The following SH3GLB1 variants were observed in gnomAD, a reference collection of about 807,000 sequenced individuals.
SH3GLB1 encodes endophilin-B1.
SH3GLB1 carries 17 observed loss-of-function variants against 42.0 expected under a neutral mutation model. The ratio of observed to expected loss-of-function variants is 0.40; its 90% CI spans 0.28 to 0.61. The LOEUF is 0.61. Ranked by LOEUF, SH3GLB1 falls within the 20% of genes least tolerant of loss-of-function variation. SH3GLB1 has a pLI of 0.36. For missense variants in SH3GLB1, 355 were observed against 426.3 expected (o/e 0.83, Z 1.47); for synonymous variants, 132 against 146.6 (o/e 0.90, Z 0.72).
At chr1:86,710,095 G>A (rs754750928) in intron 1 of SH3GLB1, among the ~76,000 whole-genome samples, 1 of 152,122 alleles carries the variant, frequency 6.6e-6, no homozygotes, top group East Asian at 1.9e-4. Context: ...TACATGTTTA[G>A]TGTTACTTAA....
At chr1:86,739,819 G>A (rs1233823271) in intron 7 of SH3GLB1, among the ~76,000 whole-genome samples, 1 of 152,078 alleles carries the variant, frequency 6.6e-6, no homozygotes, top group Non-Finnish European at 1.5e-5. Flanking sequence ...CACATATGGA[G>A]GAATTAGCAT....
chr1:86,731,438 T>C (rs1213944842), intron 5 of SH3GLB1, among the ~76,000 whole-genome samples: 2 of 152,200 alleles, frequency 1.3e-5, no homozygotes, highest in African/African-American at 4.8e-5. Context: ...TACCTTATGC[T>C]CTTATCCCCC....
chr1:86,736,007 G>A (rs1655762222), intron 7 of SH3GLB1, among the ~76,000 whole-genome samples: 3 of 152,282 alleles, frequency 2.0e-5, no homozygotes, highest in African/African-American at 7.2e-5. Context: ...TAATCTAGAT[G>A]AAGAAAGGGA....
Position 86,728,599 on chromosome 1 carries a change from C to T in SH3GLB1, c.570+4194C>T, listed in dbSNP as rs1655330502. 7.3e-6 allele frequency: 4 copies of T among 549,206 alleles called. No homozygotes were observed. In the South Asian group the frequency reaches 9.4e-5, roughly 13 times the overall value. The allele number at this position is 549,206 out of a possible 1,614,324, so 34.0% of individuals were successfully genotyped here. A position where few individuals can be genotyped will look rare whatever the true frequency, so the allele number is the denominator to read the frequency against. On this transcript the variant is annotated intron_variant, in intron 5 of 8. Coordinates refer to ENST00000370558, the MANE Select transcript of SH3GLB1 (RefSeq NM_016009.5). ...GAACCATGTATTCATTTATCTTTAA[C>T]AACAAAAATATAAGGAAAAAATACT...
intron 1 of SH3GLB1, among the ~76,000 whole-genome samples, chr1:86,711,193 A>C (rs943156139): frequency 6.6e-6 from 1 of 152,196 alleles, no homozygotes; most frequent in Non-Finnish European, 1.5e-5. Context: ...GTTTGCATTA[A>C]ATAGATGTCT....
Position 86,746,208 on chromosome 1 carries a change from G to GC in SH3GLB1, c.*2974dup, listed in dbSNP as rs1341339153. On this transcript the variant is annotated 3_prime_UTR_variant, in exon 9 of 9. Coordinates refer to ENST00000370558, the MANE Select transcript of SH3GLB1 (RefSeq NM_016009.5). ...ACAAAGAACAAAGTGAGACTGGGAA[G>GC]CTAGTGTTGGGGAAACATTTCTGGG... 1.3e-5 allele frequency: 2 copies of GC among 152,538 alleles called. No individual in the cohort carries two copies. The highest frequency in any genetic ancestry group is 2.9e-5 in the Non-Finnish European group (2 of 68,062). 9.4% of individuals were successfully genotyped at this position (152,538 alleles called of 1,614,324 possible).
At chr1:86,730,534 T>C (rs986925212) in intron 5 of SH3GLB1, among the ~76,000 whole-genome samples, 7 of 152,112 alleles carry the variant, frequency 4.6e-5, no homozygotes, top group African/African-American at 1.7e-4. Flanking sequence ...AGTTTTGCTC[T>C]TGTCGCCCAG....
intron 5 of SH3GLB1, among the ~76,000 whole-genome samples, chr1:86,731,982 T>C (rs921267535): frequency 3.3e-5 from 5 of 152,120 alleles, no homozygotes; most frequent in Non-Finnish European, 5.9e-5. Flanking sequence ...GGAGAATCCC[T>C]TGAATTTGGG....
rs1035569984 is a variant in SH3GLB1 at position 86,739,543 on chromosome 1, C to T, written c.762-2665C>T. On this transcript the variant is annotated intron_variant, in intron 7 of 8. Transcript: ENST00000370558. ...AGTAATGTTTGTAATATAAGAGACT[C>T]GGAGGAGAGGAATTGTGACCGTAAG... Among the ~76,000 whole-genome samples, 8 of 152,034 alleles carry T rather than the reference C, an allele frequency of 5.3e-5. 1 individual carries two copies. The highest frequency in any genetic ancestry group is 2.1e-4 in the South Asian group (1 of 4,814).
chr1:86,713,922 ATG>A (rs1009336884), intron 1 of SH3GLB1, among the ~76,000 whole-genome samples: 8 of 152,164 alleles, frequency 5.3e-5, no homozygotes, highest in Non-Finnish European at 8.8e-5. Context: ...GAAACCTTAT[ATG>A]TTTTGTTGGC....
intron 3 of SH3GLB1, among the ~76,000 whole-genome samples, chr1:86,720,367 G>A (rs1348098702): frequency 6.6e-6 from 1 of 152,158 alleles, no homozygotes; most frequent in Non-Finnish European, 1.5e-5. Context: ...TTGCAGTAAT[G>A]TCAGTAACCA....
At chr1:86,723,726 C>T (rs1654997417) in intron 4 of SH3GLB1, among the ~76,000 whole-genome samples, 1 of 152,082 alleles carries the variant, frequency 6.6e-6, no homozygotes, top group East Asian at 1.9e-4. Context: ...GGTTGGGTTG[C>T]ATTTGGTGCT....
chr1:86,710,399 G>A (rs1654136691), intron 1 of SH3GLB1, among the ~76,000 whole-genome samples: 1 of 151,862 alleles, frequency 6.6e-6, no homozygotes, highest in Admixed American at 6.6e-5. Flanking sequence ...CTAGTAGCTG[G>A]GATTACAGAC....
intron 5 of SH3GLB1, among the ~76,000 whole-genome samples, chr1:86,724,912 T>TATATATATAA (rs1380448898): frequency 4.2e-4 from 52 of 123,084 alleles, no homozygotes; most frequent in African/African-American, 1.5e-3. Flanking sequence ...TATATATATA[T>TATATATATAA]AAAATATATA....
rs888848571 is a variant in SH3GLB1 at position 86,740,069 on chromosome 1, A to G, written c.762-2139A>G. 2.6e-5 allele frequency among the ~76,000 whole-genome samples: 4 copies of G among 152,014 alleles called. 1 individual carries two copies. Among genetic ancestry groups the G allele is most frequent in the African/African-American group, 9.7e-5 (4 of 41,366 alleles). On this transcript the variant is annotated intron_variant, in intron 7 of 8. Coordinates refer to ENST00000370558, the MANE Select transcript of SH3GLB1 (RefSeq NM_016009.5). ...GCTGAGGCGAGAGAATTGCTTGCTT[A>G]AGCCCAGGAAGCAGAGGTTGCAGTG...
intron 5 of SH3GLB1, among the ~76,000 whole-genome samples, chr1:86,729,162 C>G (rs1382328345): frequency 2.0e-5 from 3 of 152,040 alleles, no homozygotes; most frequent in Non-Finnish European, 2.9e-5. Flanking sequence ...CTGAACATAG[C>G]CAACAATTTG....
chr1:86,704,976 C>G lies in SH3GLB1; in HGVS notation c.72+5C>G. 6.4e-7 allele frequency: 1 copy of G among 1,569,644 alleles called. No homozygotes were observed. The highest frequency in any genetic ancestry group is 8.6e-7 in the Non-Finnish European group (1 of 1,159,740). ...TTCCTCAGTCGCGCCGTGCAGGTAC[C>G]CTGGTGCTGGGGGGAAAAGGGGTGG... On this transcript the variant is annotated splice_donor_5th_base_variant and intron_variant, in intron 1 of 8. Transcript: ENST00000370558.
intron 3 of SH3GLB1, 143 bp from the exon 4 acceptor site, chr1:86,722,397 T>A: frequency 1.6e-6 from 1 of 627,752 alleles, no homozygotes; most frequent in East Asian, 3.0e-5. Context: ...ACTACCTTAA[T>A]TACAGTTAAT....
chr1:86,739,598 G>A (rs1054104610), intron 7 of SH3GLB1, among the ~76,000 whole-genome samples: 1 of 152,212 alleles, frequency 6.6e-6, no homozygotes, highest in Non-Finnish European at 1.5e-5. Context: ...GGGTTTTGGT[G>A]TAAAGGGGAA....
Sources: gnomAD v4.1 joint callset for allele counts (sites outside exome capture counted in the v4.1 genomes callset) on GRCh38, gnomAD v4.1.1 for gene constraint, MANE v1.5 for transcripts, NCBI Gene and HGNC (gene_info 2026-07-23, HGNC 2026-07-21) for gene names.